The following COG5 variants were observed in gnomAD, a reference collection of about 807,000 sequenced individuals.
COG5 encodes conserved oligomeric Golgi complex subunit 5.
A neutral mutation model predicts 110.4 loss-of-function variants in COG5; 86 were observed. That is an observed-to-expected ratio of 0.78 (90% CI 0.65 to 0.93). The LOEUF is 0.93. COG5 is among the 40% of genes least tolerant of loss of function. The pLI, the probability that COG5 is intolerant of heterozygous loss-of-function variation, is 0.00. For missense variants in COG5, 1,077 were observed against 987.0 expected (o/e 1.09, Z -1.22); for synonymous variants, 360 against 334.6 (o/e 1.08, Z -0.83).
At position 107,362,064 on chromosome 7, in the gene COG5, GA is replaced by G; in HGVS notation, c.994del (p.Ser332LeufsTer9). The G allele has an allele frequency of 3.1e-6, 5 of 1,608,750 alleles. No individual in the cohort carries two copies. Among genetic ancestry groups the G allele is most frequent in the Non-Finnish European group, 4.3e-6 (5 of 1,175,850 alleles). The stretch of plus-strand genomic sequence containing the variant: ...TATTTCTTCAATGAAACAAATGTGA[GA>G]AACAGGATCTCTCTTCTTGGCCAAT... ...KVLAKKRDPV[S>X]HICFIEEIVK... On this transcript the variant is annotated frameshift_variant, in exon 10 of 22. Coordinates refer to ENST00000297135, the MANE Select transcript of COG5 (RefSeq NM_006348.5). LOFTEE classifies it high-confidence loss of function.
chr7:107,551,409 T>C (rs1802881759), intron 3 of COG5, among the ~76,000 whole-genome samples: 1 of 152,184 alleles, frequency 6.6e-6, no homozygotes, highest in African/African-American at 2.4e-5. Flanking sequence ...CATTTTTAAA[T>C]AAAATAGGCT....
At chr7:107,248,301 G>C in intron 17 of COG5, 95 bp downstream of exon 17, 1 of 822,848 alleles carries the variant, frequency 1.2e-6, no homozygotes, top group Non-Finnish European at 2.1e-6. Context: ...ACAAGGCCCT[G>C]GATGGCAGGG....
intron 18 of COG5, among the ~76,000 whole-genome samples, chr7:107,233,740 G>A (rs897573711): frequency 6.6e-6 from 1 of 152,020 alleles, no homozygotes; most frequent in African/African-American, 2.4e-5. Flanking sequence ...TGAATTGATA[G>A]AACTTTCAGT....
At chr7:107,267,795 C>T (rs925441021) in intron 14 of COG5, among the ~76,000 whole-genome samples, 6 of 152,054 alleles carry the variant, frequency 3.9e-5, no homozygotes, top group African/African-American at 1.2e-4. Flanking sequence ...GTGGCTTACA[C>T]CTATAATCCC....
chr7:107,207,804 G>C, intron 21 of COG5: 1 of 985,414 alleles, frequency 1.0e-6, no homozygotes. Context: ...ATTCATTTAA[G>C]CTCCAGAAAG....
intron 7 of COG5, among the ~76,000 whole-genome samples, chr7:107,395,484 C>T (rs1431729444): frequency 2.8e-5 from 4 of 144,650 alleles, no homozygotes; most frequent in African/African-American, 1.0e-4. Context: ...AGCGATACAG[C>T]TTTTTTAAAT....
chr7:107,475,803 T>A (rs1051401411), intron 6 of COG5: 1 of 166,418 alleles, frequency 6.0e-6, no homozygotes, highest in Non-Finnish European at 1.4e-5. Flanking sequence ...AATTATGGGC[T>A]CAAAACAATC....
chr7:107,270,628 T>TACACACACACACACACACAC (rs112944834), intron 14 of COG5, among the ~76,000 whole-genome samples: 8 of 150,714 alleles, frequency 5.3e-5, no homozygotes, highest in African/African-American at 1.7e-4. Flanking sequence ...AAAGATGTTA[T>TACACACACACACACACACAC]ACACACACAC....
chr7:107,506,259 T>C (rs749021342), intron 6 of COG5, among the ~76,000 whole-genome samples: 2 of 152,158 alleles, frequency 1.3e-5, no homozygotes, highest in Non-Finnish European at 2.9e-5. Context: ...CCAGCTGCAG[T>C]AGTTAACAGT....
At chr7:107,499,762 A>G (rs1798519536) in intron 6 of COG5, among the ~76,000 whole-genome samples, 1 of 152,132 alleles carries the variant, frequency 6.6e-6, no homozygotes, top group South Asian at 2.1e-4. Flanking sequence ...GAGTCTGTTA[A>G]TTCAGTGCAA....
chr7:107,457,722 G>A (rs889911254), intron 6 of COG5, among the ~76,000 whole-genome samples: 2 of 152,066 alleles, frequency 1.3e-5, no homozygotes, highest in South Asian at 2.1e-4. Flanking sequence ...GAGCCACTGC[G>A]CCCGGCCTAA....
chr7:107,327,502 A>C (rs1399230753), intron 10 of COG5, among the ~76,000 whole-genome samples: 4 of 152,190 alleles, frequency 2.6e-5, no homozygotes, highest in Admixed American at 2.6e-4. Context: ...TAGAGTAAAA[A>C]GGCAACCTAC....
At chr7:107,369,253 T>C (rs1813899380) in intron 8 of COG5, among the ~76,000 whole-genome samples, 1 of 152,200 alleles carries the variant, frequency 6.6e-6, no homozygotes, top group Admixed American at 6.5e-5. Context: ...CTTTTTCATG[T>C]GCTGTTTTTG....
Position 107,278,028 on chromosome 7 carries a change from A to G in COG5, c.1575+3272T>C, listed in dbSNP as rs564944011. ...TTCTCCTGATATGAATAAAATCTAT[A>G]ACTAAGTATACTAAAACGTTTCAGT... On this transcript the variant is annotated intron_variant, in intron 14 of 21. Coordinates refer to ENST00000297135, the MANE Select transcript of COG5 (RefSeq NM_006348.5). Among the ~76,000 whole-genome samples, 493 of 152,278 alleles carry G rather than the reference A, an allele frequency of 3.2e-3. 4 individuals are homozygous for G. Among genetic ancestry groups the G allele is most frequent in the African/African-American group, 0.011 (463 of 41,564 alleles).
At chr7:107,485,401 A>G (rs571332221) in intron 6 of COG5, among the ~76,000 whole-genome samples, 7 of 152,320 alleles carry the variant, frequency 4.6e-5, no homozygotes, top group African/African-American at 1.7e-4. Flanking sequence ...ACACTACACA[A>G]ATGTTTTATC....
At chr7:107,376,223 C>G (rs1814624665) in intron 7 of COG5, among the ~76,000 whole-genome samples, 2 of 152,054 alleles carry the variant, frequency 1.3e-5, no homozygotes, top group Admixed American at 1.3e-4. Context: ...TGGCAATCCT[C>G]TGCCTCTGTT....
At chr7:107,283,472 T>C in intron 13 of COG5, 99 bp downstream of exon 13, 1 of 1,057,114 alleles carries the variant, frequency 9.5e-7, no homozygotes, top group South Asian at 1.5e-5. Flanking sequence ...CCTAATTACT[T>C]GAATAATTTG....
At chr7:107,294,037 A>T (rs1806392068) in intron 12 of COG5, among the ~76,000 whole-genome samples, 2 of 152,130 alleles carry the variant, frequency 1.3e-5, no homozygotes, top group Non-Finnish European at 2.9e-5. Context: ...ACACCACTGC[A>T]CTCCAGCCTG....
intron 14 of COG5, among the ~76,000 whole-genome samples, chr7:107,272,823 G>C (rs1399388840): frequency 1.3e-5 from 2 of 152,084 alleles, no homozygotes; most frequent in East Asian, 3.9e-4. Flanking sequence ...GTCTCAGAAA[G>C]TACTCTAAAC....
Sources: allele counts gnomAD v4.1 joint callset (sites outside exome capture counted in the v4.1 genomes callset), GRCh38; gene constraint gnomAD v4.1.1; transcripts MANE v1.5; gene names NCBI Gene and HGNC (gene_info 2026-07-23, HGNC 2026-07-21).